Variants in GPC5 observed in about 807,000 individuals in gnomAD.
The protein encoded by GPC5 is glypican 5.
A neutral mutation model predicts 53.9 loss-of-function variants in GPC5; 47 were observed. The ratio of observed to expected loss-of-function variants is 0.87; its 90% confidence interval spans 0.69 to 1.11. The LOEUF (loss-of-function observed/expected upper bound fraction) is 1.11, where lower values mean the gene tolerates loss of function less well. Among genes scored for constraint, GPC5 ranks in the 50% most tolerant of loss-of-function variants. The probability of loss-of-function intolerance (pLI) is 0.00; values close to 1 mark genes in which losing one functional copy is unlikely to be tolerated. For synonymous variants in GPC5, 286 were observed against 263.3 expected, an observed-to-expected ratio of 1.09 and a Z score of -0.84; for missense variants, 748 against 713.1, an observed-to-expected ratio of 1.05 and a Z score of -0.56.
chr13:92,007,416 C>T (rs1213721684), intron 6 of GPC5, among the ~76,000 whole-genome samples: 1 of 152,186 alleles, frequency 6.6e-6, no homozygotes, highest in African/African-American at 2.4e-5. Flanking sequence ...TAGGTTCATA[C>T]ACGTTTAGGA....
At chr13:91,524,960 T>A (rs188949163) in intron 2 of GPC5, among the ~76,000 whole-genome samples, 1 of 152,228 alleles carries the variant, frequency 6.6e-6, no homozygotes, top group Non-Finnish European at 1.5e-5. Context: ...TGAAAAGATA[T>A]AATTTCACTG....
At chr13:91,804,093 A>T (rs1383155310) in intron 5 of GPC5, among the ~76,000 whole-genome samples, 1 of 150,838 alleles carries the variant, frequency 6.6e-6, no homozygotes, top group Admixed American at 6.7e-5. Context: ...TGAAGATCTC[A>T]TTGAATATCT....
chr13:91,937,569 A>G (rs547253416), intron 6 of GPC5, among the ~76,000 whole-genome samples: 2 of 152,190 alleles, frequency 1.3e-5, no homozygotes, highest in South Asian at 2.1e-4. Context: ...GCTTGCAGAT[A>G]CTGTTTTCCA....
chr13:91,774,417 A>G (rs2037676052), intron 5 of GPC5, among the ~76,000 whole-genome samples: 1 of 152,150 alleles, frequency 6.6e-6, no homozygotes, highest in East Asian at 1.9e-4. Context: ...GCTCTGGGCT[A>G]CCACATTAAA....
chr13:91,824,545 A>G (rs2038546282), intron 5 of GPC5, among the ~76,000 whole-genome samples: 1 of 152,096 alleles, frequency 6.6e-6, no homozygotes, highest in Non-Finnish European at 1.5e-5. Context: ...TGGATAAGTT[A>G]CTTTAAGTTT....
Position 91,918,319 on chromosome 13 carries a change from TTGGG to T in GPC5, c.1401+10265_1401+10268del, listed in dbSNP as rs1468261433. Among the ~76,000 whole-genome samples the T allele has an allele frequency of 3.9e-4, 59 of 152,190 alleles. 1 individual carries two copies. The highest frequency in any genetic ancestry group is 7.6e-4 in the Non-Finnish European group (52 of 68,030). ...AGAGATTATAATTCAAGATGAGATT[TTGGG>T]TGAGGACACAGCCAAGCCATATCAT... On this transcript the variant is annotated intron_variant, in intron 6 of 7. Transcript: ENST00000377067.
intron 6 of GPC5, among the ~76,000 whole-genome samples, chr13:91,985,370 AT>A (rs60884117): frequency 0.012 from 1,693 of 142,672 alleles, 27 homozygotes; most frequent in African/African-American, 0.038. Flanking sequence ...TAAAATCAGC[AT>A]TTTTTTTTTT....
intron 7 of GPC5, among the ~76,000 whole-genome samples, chr13:92,413,856 C>A (rs1197261707): frequency 6.6e-6 from 1 of 152,144 alleles, no homozygotes; most frequent in African/African-American, 2.4e-5. Context: ...ATAGGATGAA[C>A]ACTTAGGGCT....
intron 5 of GPC5, among the ~76,000 whole-genome samples, chr13:91,861,914 A>G (rs2039034106): frequency 6.6e-6 from 1 of 151,318 alleles, no homozygotes; most frequent in African/African-American, 2.4e-5. Flanking sequence ...TTTTTTTTAC[A>G]ACTTCATATA....
At chr13:92,817,969 C>A (rs9523809) in intron 7 of GPC5, among the ~76,000 whole-genome samples, 3 of 150,768 alleles carry the variant, frequency 2.0e-5, no homozygotes, top group Non-Finnish European at 4.4e-5. Context: ...AACTTTCCAC[C>A]TGGGTAATGG....
At chr13:92,259,520 A>T (rs1360083507) in intron 7 of GPC5, among the ~76,000 whole-genome samples, 1 of 152,146 alleles carries the variant, frequency 6.6e-6, no homozygotes, top group Non-Finnish European at 1.5e-5. Context: ...CAAGAGGAAA[A>T]TACAGATTTG....
chr13:91,565,448 A>G (rs1254771898), intron 2 of GPC5, among the ~76,000 whole-genome samples: 7 of 152,224 alleles, frequency 4.6e-5, no homozygotes, highest in Non-Finnish European at 2.9e-5. Context: ...TTAGGCAGAC[A>G]TCGGATAATA....
chr13:92,516,958 G>A (rs1231229731), intron 7 of GPC5, among the ~76,000 whole-genome samples: 1 of 152,030 alleles, frequency 6.6e-6, no homozygotes, highest in Non-Finnish European at 1.5e-5. Flanking sequence ...ACTGCACCTG[G>A]AAAATCGGGT....
rs143216337 is a variant in GPC5 at position 91,595,375 on chromosome 13, T to G, written c.326-97812T>G. On this transcript the variant is annotated intron_variant, in intron 2 of 7. Transcript: ENST00000377067. ...ATTTATAGACATATCCCTTTAATAC[T>G]GTATAAGCTGGCTCATCACAAATTT... is the stretch of plus-strand genomic sequence containing the variant. Among the ~76,000 whole-genome samples the G allele has an allele frequency of 6.6e-5, 10 of 152,322 alleles. No homozygotes were observed. The East Asian group carries it at 1.9e-3, about 29-fold the overall frequency.
chr13:92,671,950 T>C (rs1359237572), intron 7 of GPC5, among the ~76,000 whole-genome samples: 3 of 152,170 alleles, frequency 2.0e-5, no homozygotes, highest in Non-Finnish European at 4.4e-5. Flanking sequence ...GTTAAGAACC[T>C]GAACAAAACT....
In GPC5 at chr13:91,411,350, C is replaced by A. The variant is rs114212978; in HGVS notation, c.163+12141C>A. ...TAGTGCTGAGGGTCTTGGCAAGTCC[C>A]CTATATTGGAGATAAGAACTTATCT... On this transcript the variant is annotated intron_variant, in intron 1 of 7. Coordinates refer to ENST00000377067, the MANE Select transcript of GPC5 (RefSeq NM_004466.6). Among the ~76,000 whole-genome samples, 539 of 152,250 alleles carry A rather than the reference C, an allele frequency of 3.5e-3. 1 individual carries two copies. Among genetic ancestry groups the A allele is most frequent in the African/African-American group, 0.012 (513 of 41,542 alleles).
intron 7 of GPC5, among the ~76,000 whole-genome samples, chr13:92,837,698 A>G (rs1878264480): frequency 6.6e-6 from 1 of 152,194 alleles, no homozygotes; most frequent in South Asian, 2.1e-4. Flanking sequence ...GTATCAGAGT[A>G]TAAAACTACC....
intron 6 of GPC5, among the ~76,000 whole-genome samples, chr13:92,024,915 G>T (rs1440890492): frequency 6.6e-6 from 1 of 152,118 alleles, no homozygotes; most frequent in Admixed American, 6.6e-5. Context: ...GCCAGTTTAT[G>T]ATCCCTTAGG....
intron 6 of GPC5, among the ~76,000 whole-genome samples, chr13:92,092,780 C>G (rs565743122): frequency 8.5e-5 from 13 of 152,164 alleles, no homozygotes; most frequent in African/African-American, 3.1e-4. Flanking sequence ...TAATGGTTCT[C>G]ATACAAATGT....
Sources: allele counts gnomAD v4.1 joint callset (sites outside exome capture counted in the v4.1 genomes callset), GRCh38; gene constraint gnomAD v4.1.1; transcripts MANE v1.5; gene names NCBI Gene and HGNC (gene_info 2026-07-23, HGNC 2026-07-21).